Variants in OPRM1 observed in about 807,000 individuals in gnomAD.
OPRM1 encodes mu-type opioid receptor.
A neutral mutation model predicts 31.8 loss-of-function variants in OPRM1; 27 were observed. That is an observed-to-expected ratio of 0.85 (90% CI 0.63 to 1.17). The LOEUF (loss-of-function observed/expected upper bound fraction) is 1.17. Among genes scored for constraint, OPRM1 ranks in the 50% most tolerant of loss-of-function variants. The pLI is 0.00. For missense variants in OPRM1, 536 were observed against 511.1 expected (o/e 1.05, Z -0.47); for synonymous variants, 196 against 189.9 (o/e 1.03, Z -0.26).
chr6:154,241,345 A>C (rs930893869), intron 3 of OPRM1, among the ~76,000 whole-genome samples: 40 of 152,076 alleles, frequency 2.6e-4, no homozygotes, highest in African/African-American at 9.4e-4. Flanking sequence ...ATGCAATGGC[A>C]CACATGGTGT....
chr6:154,081,445 G>T (rs913348134), intron 1 of OPRM1, among the ~76,000 whole-genome samples: 5 of 152,174 alleles, frequency 3.3e-5, no homozygotes, highest in Non-Finnish European at 5.9e-5. Flanking sequence ...GGCGGAGTTT[G>T]CAGTGAGCCG....
chr6:154,184,331 GAATA>G (rs1282923695), intron 3 of OPRM1, among the ~76,000 whole-genome samples: 1 of 151,894 alleles, frequency 6.6e-6, no homozygotes, highest in African/African-American at 2.4e-5. Flanking sequence ...ATCTTTTGGA[GAATA>G]AATAATACTA....
At chr6:154,233,750 C>G (rs1298588936) in intron 3 of OPRM1, among the ~76,000 whole-genome samples, 14 of 152,146 alleles carry the variant, frequency 9.2e-5, no homozygotes. Flanking sequence ...GTCCTTACCA[C>G]CCAGGGCACA....
At chr6:154,157,959 C>CT (rs1239389856) in intron 3 of OPRM1, 2 of 152,206 alleles carry the variant, frequency 1.3e-5, no homozygotes, top group Non-Finnish European at 2.9e-5. Context: ...AGTGGCTTCC[C>CT]TAGGTGGAGA....
rs950292505 is a variant in OPRM1 at position 154,215,031 on chromosome 6, C to T, written c.1165-31662C>T. On this transcript the variant is annotated intron_variant, in intron 3 of 3. Coordinates refer to the OPRM1 transcript ENST00000337049. ...GTGTGTCTATGACATATACTCCTAA[C>T]TATATAATTTTCTACTTATTGGGAG... 1.4e-4 allele frequency among the ~76,000 whole-genome samples: 22 copies of T among 152,256 alleles called. 1 individual carries two copies. Among genetic ancestry groups the T allele is most frequent in the African/African-American group, 5.1e-4 (21 of 41,564 alleles).
upstream of OPRM1, chr6:154,038,955 T>G: frequency 1.8e-6 from 1 of 541,832 alleles, no homozygotes; most frequent in Non-Finnish European, 3.1e-6. Context: ...CATTCCTAAA[T>G]AATCAAAATT....
In OPRM1 at chr6:154,119,212, C is replaced by A; in HGVS notation, c.*491C>A. The A allele has an allele frequency of 1.0e-6, 1 of 985,990 alleles. No individual in the cohort carries two copies. The highest frequency in any genetic ancestry group is 1.2e-6 in the Non-Finnish European group (1 of 830,056). 61.1% of individuals were successfully genotyped at this position (985,990 alleles called of 1,614,324 possible). ...CCATTATTCTATTTTAGACTTTTAACTTCACCTTAAAATTAGCATCTGGCT... is the reference window on the plus strand; with the variant it reads ...CCATTATTCTATTTTAGACTTTTAAATTCACCTTAAAATTAGCATCTGGCT... On this transcript the variant is annotated 3_prime_UTR_variant, in exon 4 of 4. Transcript: ENST00000330432.
chr6:154,211,534 T>G (rs1777965955), intron 3 of OPRM1, among the ~76,000 whole-genome samples: 1 of 152,264 alleles, frequency 6.6e-6, no homozygotes, highest in East Asian at 1.9e-4. Flanking sequence ...CTCAGTTTCC[T>G]TAACCATGAA....
chr6:154,076,783 T>C (rs1383141578), intron 1 of OPRM1, among the ~76,000 whole-genome samples: 1 of 152,244 alleles, frequency 6.6e-6, no homozygotes, highest in East Asian at 1.9e-4. Context: ...AAATTTACTT[T>C]CCTGTTCTCT....
At chr6:154,145,201 C>A (rs923137639) in intron 3 of OPRM1, among the ~76,000 whole-genome samples, 1 of 152,162 alleles carries the variant, frequency 6.6e-6, no homozygotes, top group Non-Finnish European at 1.5e-5. Flanking sequence ...AACCAACAAA[C>A]TTCTGTTGGC....
chr6:154,029,700 C>A (rs1424709597), intron 1 of OPRM1, among the ~76,000 whole-genome samples: 1 of 152,162 alleles, frequency 6.6e-6, no homozygotes, highest in Non-Finnish European at 1.5e-5. Flanking sequence ...TTTCCATAAT[C>A]CCCGCATGTC....
In OPRM1 at chr6:154,198,615, C is replaced by T. The variant is rs549982137; in HGVS notation, c.1165-48078C>T. Among the ~76,000 whole-genome samples the T allele has an allele frequency of 7.9e-5, 11 of 138,906 alleles. No individual in the cohort carries two copies. The East Asian group carries it at 1.9e-3, about 24-fold the overall frequency. 91.1% of individuals were successfully genotyped at this position (138,906 alleles called of 152,430 possible). ...CAGGCTGAGTAATGAAATTTACATA[C>T]TTTTAAAATATTACATACACACACA... is the stretch of plus-strand genomic sequence containing the variant. On this transcript the variant is annotated intron_variant, in intron 3 of 3. Transcript: ENST00000337049.
intron 3 of OPRM1, among the ~76,000 whole-genome samples, chr6:154,206,418 A>G (rs1777500588): frequency 6.6e-6 from 1 of 152,206 alleles, no homozygotes; most frequent in South Asian, 2.1e-4. Flanking sequence ...AGTCACAATA[A>G]TCACTCACCC....
chr6:154,036,726 T>C (rs1263857682), upstream of OPRM1, among the ~76,000 whole-genome samples: 2 of 152,016 alleles, frequency 1.3e-5, no homozygotes, highest in African/African-American at 4.8e-5. Flanking sequence ...ATCACCCAGA[T>C]TGTTTTATTT....
intron 3 of OPRM1, among the ~76,000 whole-genome samples, chr6:154,242,857 C>T (rs1780703106): frequency 6.7e-6 from 1 of 150,374 alleles, no homozygotes. Flanking sequence ...CATTGTACTC[C>T]AGCCTGGGCC....
Position 154,127,584 on chromosome 6 carries a change from T to C in OPRM1, c.*8863T>C, listed in dbSNP as rs768795935. On this transcript the variant is annotated 3_prime_UTR_variant, in exon 4 of 4. Coordinates refer to ENST00000330432, the MANE Select transcript of OPRM1 (RefSeq NM_000914.5). ...ACCAATTGAGATGTACCTGTGCTCATGACTTGACATTGTGGTGGGCCGGCT... is the reference window on the plus strand; with the variant it reads ...ACCAATTGAGATGTACCTGTGCTCACGACTTGACATTGTGGTGGGCCGGCT... 3.3e-5 allele frequency among the ~76,000 whole-genome samples: 5 copies of C among 152,240 alleles called. No individual in the cohort carries two copies. The highest frequency in any genetic ancestry group is 5.9e-5 in the Non-Finnish European group (4 of 68,038).
intron 1 of OPRM1, among the ~76,000 whole-genome samples, chr6:154,023,848 C>T (rs960142393): frequency 1.3e-5 from 2 of 152,016 alleles, no homozygotes; most frequent in African/African-American, 4.8e-5. Context: ...CTATGTATCA[C>T]ATTGATTGAT....
At chr6:154,096,103 G>C (rs1376890506) in intron 3 of OPRM1, among the ~76,000 whole-genome samples, 2 of 152,162 alleles carry the variant, frequency 1.3e-5, no homozygotes, top group African/African-American at 4.8e-5. Context: ...TGTCGCCCAG[G>C]CTGGAGTGCA....
chr6:154,219,985 AGTGTGTGTGTGTGTGT>A (rs57450665), intron 3 of OPRM1, among the ~76,000 whole-genome samples: 27 of 140,052 alleles, frequency 1.9e-4, no homozygotes, highest in Admixed American at 1.1e-3. Flanking sequence ...ACCTGTAAGG[AGTGTGTGTGTGTGTGT>A]GTGTGTGTGT....
Sources: gnomAD v4.1 joint callset for allele counts (sites outside exome capture counted in the v4.1 genomes callset) on GRCh38, gnomAD v4.1.1 for gene constraint, MANE v1.5 for transcripts, NCBI Gene and HGNC (gene_info 2026-07-23, HGNC 2026-07-21) for gene names.